The following NRP1 variants were observed in gnomAD, a reference collection of about 807,000 sequenced individuals.
NRP1 encodes the protein neuropilin-1.
A neutral mutation model predicts 106.7 loss-of-function variants in NRP1; 35 were observed. That is an observed-to-expected ratio of 0.33 (90% CI 0.25 to 0.43). The LOEUF (loss-of-function observed/expected upper bound fraction) is 0.43, where lower values mean the gene tolerates loss of function less well. Among genes scored for constraint, NRP1 ranks in the 20% least tolerant of loss-of-function variants. The pLI is 1.00. For synonymous variants in NRP1, 437 were observed against 417.9 expected (o/e 1.05, Z -0.56); for missense variants, 1,024 against 1,170.4 (o/e 0.87, Z 1.83).
intron 1 of NRP1, among the ~76,000 whole-genome samples, chr10:33,333,467 G>T (rs561662887): frequency 2.0e-5 from 3 of 152,198 alleles, no homozygotes; most frequent in African/African-American, 7.2e-5. Context: ...TAATTACTGT[G>T]ATTGAAATCT....
chr10:33,245,607 C>A (rs554564638), intron 6 of NRP1, among the ~76,000 whole-genome samples: 2 of 152,292 alleles, frequency 1.3e-5, no homozygotes, highest in South Asian at 4.1e-4. Context: ...AACAGAGACT[C>A]AAATCCATTT....
intron 2 of NRP1, among the ~76,000 whole-genome samples, chr10:33,307,574 G>T (rs1338941617): frequency 1.3e-5 from 2 of 152,092 alleles, no homozygotes; most frequent in Non-Finnish European, 2.9e-5. Flanking sequence ...ATCTTCTAAA[G>T]CAAATTGGAG....
At chr10:33,258,475 T>C (rs986945922) in intron 4 of NRP1, among the ~76,000 whole-genome samples, 3 of 152,154 alleles carry the variant, frequency 2.0e-5, no homozygotes, top group Non-Finnish European at 4.4e-5. Context: ...TGCTTTATCA[T>C]GAAGAAAATG....
chr10:33,266,620 T>G (rs563808988), intron 3 of NRP1, among the ~76,000 whole-genome samples: 1 of 152,170 alleles, frequency 6.6e-6, no homozygotes, highest in Admixed American at 6.5e-5. Flanking sequence ...GTTAAGAAAG[T>G]CCATGGTGAA....
chr10:33,219,127 A>G (rs1334613974), intron 8 of NRP1, among the ~76,000 whole-genome samples: 3 of 152,198 alleles, frequency 2.0e-5, no homozygotes, highest in African/African-American at 7.2e-5. Context: ...TGCTAGGTTC[A>G]ATATATTGAG....
intron 12 of NRP1, among the ~76,000 whole-genome samples, chr10:33,196,598 GT>G (rs1355378503): frequency 6.6e-6 from 1 of 152,122 alleles, no homozygotes; most frequent in East Asian, 1.9e-4. Flanking sequence ...TCATCTCTTG[GT>G]TTTGTAGAGG....
At chr10:33,322,550 A>C (rs1339661390) in intron 2 of NRP1, among the ~76,000 whole-genome samples, 1 of 151,860 alleles carries the variant, frequency 6.6e-6, no homozygotes, top group African/African-American at 2.4e-5. Context: ...CAATTCACTA[A>C]TTTTTTATTT....
In NRP1 at chr10:33,280,306, A is replaced by G. The variant is rs1404786671; in HGVS notation, c.249-9450T>C. On this transcript the variant is annotated intron_variant, in intron 2 of 16. Coordinates refer to ENST00000374867, the MANE Select transcript of NRP1 (RefSeq NM_003873.7). Reference sequence around the variant, plus strand: ...ATTCATTTTAAACGGAAGGGAAGGAACGCCTCCCTTAAAACAACTGTGTTC... The same window carrying G: ...ATTCATTTTAAACGGAAGGGAAGGAGCGCCTCCCTTAAAACAACTGTGTTC... Among the ~76,000 whole-genome samples, 3 of 152,324 alleles carry G rather than the reference A, an allele frequency of 2.0e-5. No individual in the cohort carries two copies. The East Asian group carries it at 5.8e-4, about 29-fold the overall frequency.
At chr10:33,323,939 G>A (rs565736551) in intron 2 of NRP1, among the ~76,000 whole-genome samples, 3 of 152,298 alleles carry the variant, frequency 2.0e-5, no homozygotes, top group African/African-American at 7.2e-5. Flanking sequence ...GATCAGTTAA[G>A]TGCCTGCTCC....
chr10:33,314,945 G>A (rs183637041), intron 2 of NRP1, among the ~76,000 whole-genome samples: 4 of 152,314 alleles, frequency 2.6e-5, no homozygotes, highest in East Asian at 1.9e-4. Flanking sequence ...CAGCTGGAAC[G>A]GAAGCAGGCT....
intron 2 of NRP1, among the ~76,000 whole-genome samples, chr10:33,307,323 T>G (rs1392414054): frequency 6.6e-6 from 1 of 152,208 alleles, no homozygotes; most frequent in Non-Finnish European, 1.5e-5. Flanking sequence ...AACACAACCA[T>G]GCTCATTCAT....
chr10:33,303,261 A>T (rs1158644853), intron 2 of NRP1, among the ~76,000 whole-genome samples: 1 of 152,186 alleles, frequency 6.6e-6, no homozygotes, highest in Non-Finnish European at 1.5e-5. Flanking sequence ...TCTTTCCTGA[A>T]TGCATCTTAT....
chr10:33,243,933 T>G (rs997634568), intron 6 of NRP1, among the ~76,000 whole-genome samples: 2 of 141,440 alleles, frequency 1.4e-5, no homozygotes, highest in South Asian at 2.3e-4. Flanking sequence ...GGGTAGAGGT[T>G]TGTGTGTGTG....
In NRP1 at chr10:33,270,781, G is replaced by C; in HGVS notation, c.324C>G (p.Ala108=). The C allele has an allele frequency of 6.2e-7, 1 of 1,613,584 alleles. No homozygotes were observed. Among genetic ancestry groups the C allele is most frequent in the Non-Finnish European group, 8.5e-7 (1 of 1,179,738 alleles). ...HFRGKFCGKI[A]PPPVVSSGPF... ...GCCCTGAAGACACAACAGGAGGAGGGGCTATCTTTCCACAGAACTTTCCCC... is the reference window on the plus strand; with the variant it reads ...GCCCTGAAGACACAACAGGAGGAGGCGCTATCTTTCCACAGAACTTTCCCC... The change falls in exon 3 of 17, where the codon GCC becomes GCG. Residue 108 remains alanine (A), a synonymous_variant. Coordinates refer to ENST00000374867, the MANE Select transcript of NRP1 (RefSeq NM_003873.7).
At chr10:33,228,334 C>T (rs2300947) in intron 6 of NRP1, among the ~76,000 whole-genome samples, 22,247 of 151,908 alleles carry the variant, frequency 0.15, 1,756 homozygotes, top group Middle Eastern at 0.3. Flanking sequence ...ATCTCGCCAC[C>T]GCACTCCAGC....
intron 6 of NRP1, among the ~76,000 whole-genome samples, chr10:33,227,600 T>C (rs1415760366): frequency 6.6e-6 from 1 of 152,164 alleles, no homozygotes; most frequent in Non-Finnish European, 1.5e-5. Flanking sequence ...TGCAACCTTC[T>C]CCTGGTAAGT....
At chr10:33,191,383 A>G (rs1836400781) in intron 13 of NRP1, among the ~76,000 whole-genome samples, 1 of 152,164 alleles carries the variant, frequency 6.6e-6, no homozygotes, top group African/African-American at 2.4e-5. Flanking sequence ...GAAATACACT[A>G]CACTTTCAAT....
rs1848237374 is a variant in NRP1 at position 33,330,894 on chromosome 10, G to T, written c.74-12C>A. ...ATCGCCACATTTATCTGCAATGAAA[G>T]TAAGATTTTAGCAGATCTTTCCTGA... On this transcript the variant is annotated splice_polypyrimidine_tract_variant and intron_variant, in intron 1 of 16. Coordinates refer to ENST00000374867, the MANE Select transcript of NRP1 (RefSeq NM_003873.7). The T allele has an allele frequency of 1.9e-6, 3 of 1,592,586 alleles. No individual in the cohort carries two copies. In the East Asian group the frequency reaches 6.8e-5, roughly 36 times the overall value.
At chr10:33,298,085 G>A (rs1293639642) in intron 2 of NRP1, among the ~76,000 whole-genome samples, 1 of 152,180 alleles carries the variant, frequency 6.6e-6, no homozygotes. Context: ...AGCCAAGCAA[G>A]TTTTTGAGAT....
Sources: allele counts gnomAD v4.1 joint callset (sites outside exome capture counted in the v4.1 genomes callset), GRCh38; gene constraint gnomAD v4.1.1; transcripts MANE v1.5; gene names NCBI Gene and HGNC (gene_info 2026-07-23, HGNC 2026-07-21).